ARHGAP26: variants seen among roughly 807,000 people sequenced by gnomAD.
ARHGAP26 encodes the protein Rho GTPase activating protein 26.
A neutral mutation model predicts 104.8 loss-of-function variants in ARHGAP26; 38 were observed. That is an observed-to-expected ratio of 0.36 (90% confidence interval 0.28 to 0.48). The LOEUF is 0.48. ARHGAP26 is among the 20% of genes least tolerant of loss of function. The probability of loss-of-function intolerance (pLI) is 0.99; values close to 1 mark genes in which losing one functional copy is unlikely to be tolerated. For missense variants in ARHGAP26, 704 were observed against 947.9 expected (o/e 0.74, Z 3.38); for synonymous variants, 341 against 340.0 (o/e 1.00, Z -0.03).
chr5:142,976,999 C>T (rs979207177), intron 11 of ARHGAP26, among the ~76,000 whole-genome samples: 1 of 152,178 alleles, frequency 6.6e-6, no homozygotes, highest in African/African-American at 2.4e-5. Context: ...TTGGCCTGGG[C>T]CAGGTTCTGT....
rs1754989756 is a variant in ARHGAP26 at position 142,770,594 on chromosome 5, G to C, written c.-168G>C. On this transcript the variant is annotated 5_prime_UTR_variant, in exon 1 of 23. Transcript: ENST00000645722. ...TCGGCCGGGTCCGAGCTCGGTTCGG[G>C]AGTCTTGCGCGCCGGCGGACACCGC... The C allele has an allele frequency of 3.1e-6, 1 of 327,848 alleles. No homozygotes were observed. The highest frequency in any genetic ancestry group is 4.6e-6 in the Non-Finnish European group (1 of 217,950). 20.3% of individuals were successfully genotyped at this position (327,848 alleles called of 1,614,324 possible). A position where few individuals can be genotyped will look rare whatever the true frequency, so the allele number is the denominator to read the frequency against.
chr5:142,963,194 A>ATGTG (rs1375363062), intron 11 of ARHGAP26, among the ~76,000 whole-genome samples: 11 of 102,678 alleles, frequency 1.1e-4, no homozygotes, highest in Non-Finnish European at 1.2e-4. Flanking sequence ...ATATATATAT[A>ATGTG]TATATGTGTG....
At position 143,226,263 on chromosome 5, in the gene ARHGAP26, C is replaced by T. The variant is rs1054800961; in HGVS notation, c.*3817C>T. On this transcript the variant is annotated 3_prime_UTR_variant, in exon 23 of 23. Transcript: ENST00000645722. Reference sequence around the variant, plus strand: ...TTGGGAGGCCGAGGCGGGCGGATCACGAGGTCAGGAGATTGAGACCATCCT... The same window carrying T: ...TTGGGAGGCCGAGGCGGGCGGATCATGAGGTCAGGAGATTGAGACCATCCT... The T allele has an allele frequency of 1.5e-4, 27 of 176,972 alleles. No homozygotes were observed. Among genetic ancestry groups the T allele is most frequent in the Admixed American group, 7.0e-4 (11 of 15,810 alleles). The allele number at this position is 176,972 out of a possible 1,614,324, so 11.0% of individuals were successfully genotyped here. A position where few individuals can be genotyped will look rare whatever the true frequency, so the allele number is the denominator to read the frequency against.
rs992844772 is a variant in ARHGAP26 at position 142,782,159 on chromosome 5, T to C, written c.154+11244T>C. On this transcript the variant is annotated intron_variant, in intron 1 of 22. Transcript: ENST00000645722. ...TTAGGCCTTGGGAGGATGGCTGAAC[T>C]GCATACAGGAGAGGAATCGTGGTGT... 2.0e-5 allele frequency among the ~76,000 whole-genome samples: 3 copies of C among 152,148 alleles called. No individual in the cohort carries two copies. The South Asian group carries it at 6.2e-4, about 32-fold the overall frequency.
intron 13 of ARHGAP26, among the ~76,000 whole-genome samples, chr5:143,038,708 T>G (rs1208529186): frequency 2.1e-5 from 3 of 141,688 alleles, no homozygotes; most frequent in African/African-American, 7.9e-5. Context: ...TTTTTTTTTT[T>G]TTTTTTGAGA....
intron 3 of ARHGAP26, 146 bp downstream of exon 3, chr5:142,875,317 T>C: frequency 1.4e-6 from 1 of 736,530 alleles, no homozygotes. Context: ...TTTGTAGAGT[T>C]TGAAGGCTTT....
Position 142,883,101 on chromosome 5 carries a change from C to T in ARHGAP26, c.385-2197C>T, listed in dbSNP as rs147734537. ...TATTGCTGTTTTCTCAGGACAGAAA[C>T]GGCTTCCCTTTCTCCTTATTTTTTT... On this transcript the variant is annotated intron_variant, in intron 4 of 22. Coordinates refer to ENST00000645722, the MANE Select transcript of ARHGAP26 (RefSeq NM_001135608.3). 2.7e-3 allele frequency among the ~76,000 whole-genome samples: 404 copies of T among 152,300 alleles called. 1 individual carries two copies. The highest frequency in any genetic ancestry group is 9.4e-3 in the African/African-American group (389 of 41,562).
intron 1 of ARHGAP26, among the ~76,000 whole-genome samples, chr5:142,788,567 G>A (rs1200942322): frequency 4.6e-5 from 7 of 152,214 alleles, no homozygotes; most frequent in Non-Finnish European, 2.9e-5. Context: ...GTTGGGAAAA[G>A]AGCATCATTA....
intron 17 of ARHGAP26, among the ~76,000 whole-genome samples, chr5:143,081,777 G>A (rs1789851680): frequency 6.6e-6 from 1 of 152,208 alleles, no homozygotes; most frequent in African/African-American, 2.4e-5. Flanking sequence ...ACTCTGGGAG[G>A]CCGAGGCCGG....
chr5:143,166,391 T>C (rs1160651243), intron 20 of ARHGAP26, among the ~76,000 whole-genome samples: 1 of 152,136 alleles, frequency 6.6e-6, no homozygotes, highest in Non-Finnish European at 1.5e-5. Context: ...GTGGAGCCAC[T>C]TGGAGGAAGG....
chr5:142,849,432 G>A (rs1410888376), intron 1 of ARHGAP26, among the ~76,000 whole-genome samples: 2 of 152,184 alleles, frequency 1.3e-5, no homozygotes, highest in Admixed American at 6.5e-5. Context: ...CTTTCAAACA[G>A]CCGCCGTGAG....
intron 17 of ARHGAP26, among the ~76,000 whole-genome samples, chr5:143,071,726 G>A (rs527916589): frequency 2.6e-5 from 4 of 151,766 alleles, no homozygotes; most frequent in Admixed American, 6.6e-5. Flanking sequence ...TGGCCAACAT[G>A]GTGAAACCCC....
At position 143,136,331 on chromosome 5, in the gene ARHGAP26, G is replaced by A. The variant is rs1421618116; in HGVS notation, c.1837+2226G>A. Among the ~76,000 whole-genome samples, 3 of 152,212 alleles carry A rather than the reference G, an allele frequency of 2.0e-5. No individual in the cohort carries two copies. In the East Asian group the frequency reaches 5.8e-4, roughly 29 times the overall value. The stretch of plus-strand genomic sequence containing the variant: ...GCAAGCTGCTCTGTCCATGTCTGCA[G>A]ATGGTAGACAGGGGATGCAAAAGGA... On this transcript the variant is annotated intron_variant, in intron 19 of 22. Coordinates refer to ENST00000645722, the MANE Select transcript of ARHGAP26 (RefSeq NM_001135608.3).
Position 142,770,756 on chromosome 5 carries a change from C to T in ARHGAP26, c.-6C>T. On this transcript the variant is annotated 5_prime_UTR_variant, in exon 1 of 23. Coordinates refer to ENST00000645722, the MANE Select transcript of ARHGAP26 (RefSeq NM_001135608.3). Reference sequence around the variant, plus strand: ...GCGCGCCCCCCGGCTGGGCGCCGCGCGCACCATGGGGCTCCCAGCGCTCGA... The same window carrying T: ...GCGCGCCCCCCGGCTGGGCGCCGCGTGCACCATGGGGCTCCCAGCGCTCGA... 7.1e-7 allele frequency: 1 copy of T among 1,412,108 alleles called. No individual in the cohort carries two copies. The highest frequency in any genetic ancestry group is 1.5e-5 in the African/African-American group (1 of 68,222). 87.5% of individuals were successfully genotyped at this position (1,412,108 alleles called of 1,614,324 possible). A position where few individuals can be genotyped will look rare whatever the true frequency, so the allele number is the denominator to read the frequency against.
chr5:142,922,178 A>C (rs1763285583), intron 10 of ARHGAP26: 1 of 152,182 alleles, frequency 6.6e-6, no homozygotes, highest in Non-Finnish European at 1.5e-5. Flanking sequence ...AACTGTATTA[A>C]TTTTAAATTA....
intron 21 of ARHGAP26, among the ~76,000 whole-genome samples, chr5:143,209,837 C>T (rs1352393234): frequency 1.3e-5 from 2 of 151,448 alleles, no homozygotes; most frequent in Admixed American, 6.6e-5. Context: ...CCCAGATGAG[C>T]ACAGACAGCA....
chr5:142,997,294 T>A (rs1269188600), intron 11 of ARHGAP26, among the ~76,000 whole-genome samples: 1 of 152,058 alleles, frequency 6.6e-6, no homozygotes, highest in East Asian at 1.9e-4. Flanking sequence ...ATGGGTAGAG[T>A]GGTGAAACAT....
chr5:142,815,573 C>G (rs901070688), intron 1 of ARHGAP26, among the ~76,000 whole-genome samples: 1 of 152,190 alleles, frequency 6.6e-6, no homozygotes, highest in African/African-American at 2.4e-5. Context: ...TCACTGCACA[C>G]ATTTATTGAG....
At chr5:143,169,756 A>C (rs1314274270) in intron 20 of ARHGAP26, 1 of 152,232 alleles carries the variant, frequency 6.6e-6, no homozygotes, top group African/African-American at 2.4e-5. Flanking sequence ...GGTGGTCCTC[A>C]GAGAAGAGAC....
Sources: gnomAD v4.1 joint callset for allele counts (sites outside exome capture counted in the v4.1 genomes callset) on GRCh38, gnomAD v4.1.1 for gene constraint, MANE v1.5 for transcripts, NCBI Gene and HGNC (gene_info 2026-07-23, HGNC 2026-07-21) for gene names.